The following SLC35D1 variants were observed in gnomAD, a reference collection of about 807,000 sequenced individuals.
SLC35D1 encodes the protein solute carrier family 35 member D1.
Under a neutral mutation model 46.7 loss-of-function variants are expected in SLC35D1, and 31 were observed. The observed-to-expected ratio is 0.66, with a 90% CI of 0.50 to 0.90. The LOEUF is 0.90. Ranked by LOEUF, SLC35D1 falls within the 40% of genes least tolerant of loss-of-function variation. The pLI is 0.00. For synonymous variants in SLC35D1, 195 were observed against 164.6 expected (o/e 1.18, Z -1.41); for missense variants, 397 against 426.2 (o/e 0.93, Z 0.60).
intron 10 of SLC35D1, among the ~76,000 whole-genome samples, chr1:67,015,127 A>C (rs1667655373): frequency 6.7e-6 from 1 of 149,116 alleles, no homozygotes; most frequent in Non-Finnish European, 1.5e-5. Flanking sequence ...TTTTAGTAAA[A>C]AAGGTTATAA....
At position 67,007,178 on chromosome 1, in the gene SLC35D1, T is replaced by G. The variant is rs1321011759; in HGVS notation, c.959+1907A>C. On this transcript the variant is annotated intron_variant, in intron 11 of 11. Transcript: ENST00000235345. ...TTATAAACGTCTTACTCCATTTGGG[T>G]TGCTATAACAAAATACCATAAATGG... Among the ~76,000 whole-genome samples, 3 of 151,854 alleles carry G rather than the reference T, an allele frequency of 2.0e-5. No individual in the cohort carries two copies. In the East Asian group the frequency reaches 5.8e-4, roughly 29 times the overall value.
At chr1:67,042,690 G>A (rs1277640508) in intron 7 of SLC35D1, among the ~76,000 whole-genome samples, 1 of 152,122 alleles carries the variant, frequency 6.6e-6, no homozygotes, top group Non-Finnish European at 1.5e-5. Flanking sequence ...ACATCTCTCT[G>A]AAGCCATTCT....
chr1:67,042,141 C>A lies in SLC35D1; in HGVS notation c.729+95G>T. 2.5e-6 allele frequency: 3 copies of A among 1,183,526 alleles called. 1 individual carries two copies. In the South Asian group the frequency reaches 3.6e-5, roughly 14 times the overall value. 73.3% of individuals were successfully genotyped at this position (1,183,526 alleles called of 1,614,324 possible). On this transcript the variant is annotated intron_variant, in intron 8 of 11. Coordinates refer to ENST00000235345, the MANE Select transcript of SLC35D1 (RefSeq NM_015139.3). ...GCTCAGTTTTTGGTCACTTAATAAG[C>A]ATATTTCTTTTGAACAACAAAGCCT...
intron 8 of SLC35D1, among the ~76,000 whole-genome samples, chr1:67,033,973 T>C (rs1438136466): frequency 6.6e-6 from 1 of 152,204 alleles, no homozygotes; most frequent in Non-Finnish European, 1.5e-5. Context: ...TTGGCACCAT[T>C]GTCAAAAATT....
At chr1:66,998,079 GGT>G (rs1188386789), downstream of SLC35D1, among the ~76,000 whole-genome samples, 7 of 150,604 alleles carry the variant, frequency 4.6e-5, no homozygotes, top group Non-Finnish European at 1.0e-4. Flanking sequence ...GTGCACTCTT[GGT>G]GGGATTCTAA....
chr1:66,992,969 CTG>C, the SLC35D1 span, among the ~76,000 whole-genome samples: 11 of 152,332 alleles, frequency 7.2e-5, no homozygotes, highest in Non-Finnish European at 1.0e-4. Context: ...ACAAATAAAA[CTG>C]AGCTACCTTG....
chr1:67,020,602 A>AT (rs1667776943), intron 9 of SLC35D1, among the ~76,000 whole-genome samples, 155 bp from the exon 10 acceptor site: 1 of 152,176 alleles, frequency 6.6e-6, no homozygotes, highest in Non-Finnish European at 1.5e-5. Context: ...CAGCTTCAGA[A>AT]TTTTTAAAAT....
chr1:67,034,932 T>C (rs1668092191), intron 8 of SLC35D1, among the ~76,000 whole-genome samples: 2 of 152,204 alleles, frequency 1.3e-5, no homozygotes, highest in Admixed American at 1.3e-4. Flanking sequence ...GATCATTTGG[T>C]TGTTGTCCTT....
At chr1:67,049,039 A>G (rs536326139) in intron 6 of SLC35D1, among the ~76,000 whole-genome samples, 141 of 152,354 alleles carry the variant, frequency 9.3e-4, no homozygotes, top group African/African-American at 3.2e-3. Context: ...TCACGCCTGT[A>G]ATCCCAGCAC....
chr1:67,047,451 G>A, intron 6 of SLC35D1, 84 bp from the exon 7 acceptor site: 1 of 1,131,464 alleles, frequency 8.8e-7, no homozygotes, highest in Non-Finnish European at 1.3e-6. Context: ...ATATTTACAA[G>A]AACATATTCT....
At chr1:67,005,436 C>T (rs867142833) in intron 11 of SLC35D1, among the ~76,000 whole-genome samples, 1 of 152,170 alleles carries the variant, frequency 6.6e-6, no homozygotes, top group African/African-American at 2.4e-5. Flanking sequence ...CAGGCACTGG[C>T]GCTTGTTCTT....
intron 10 of SLC35D1, among the ~76,000 whole-genome samples, chr1:67,014,405 T>C (rs894298017): frequency 6.6e-6 from 1 of 152,150 alleles, no homozygotes; most frequent in Non-Finnish European, 1.5e-5. Flanking sequence ...CCAACTGTTC[T>C]TTTAAACTAG....
At chr1:66,998,041 G>A (rs1017497299), downstream of SLC35D1, among the ~76,000 whole-genome samples, 2 of 151,968 alleles carry the variant, frequency 1.3e-5, no homozygotes, top group Non-Finnish European at 2.9e-5. Context: ...ACAAGTGTTG[G>A]TGAGGATGTG....
At chr1:66,992,123 C>T in the SLC35D1 span, among the ~76,000 whole-genome samples, 3 of 152,200 alleles carry the variant, frequency 2.0e-5, no homozygotes, top group Non-Finnish European at 2.9e-5. Context: ...TCGAACAAAC[C>T]TATGGCTGGA....
chr1:66,992,060 T>C, the SLC35D1 span, among the ~76,000 whole-genome samples: 6 of 152,256 alleles, frequency 3.9e-5, no homozygotes, highest in African/African-American at 1.4e-4. Context: ...CTACAATCCC[T>C]TATCCAAAAC....
At chr1:66,981,991 G>A in the SLC35D1 span, 34 of 1,527,926 alleles carry the variant, frequency 2.2e-5, no homozygotes, top group South Asian at 2.6e-4. Flanking sequence ...GGGAAATTCC[G>A]TTTGGGTTTC....
At chr1:67,053,753 GC>G in intron 1 of SLC35D1, 57 bp downstream of exon 1, 1 of 1,337,080 alleles carries the variant, frequency 7.5e-7, no homozygotes, top group Non-Finnish European at 9.8e-7. Context: ...CCGGCGCCGC[GC>G]CGCCGCCGCC....
At chr1:66,976,129 G>T in the SLC35D1 span, among the ~76,000 whole-genome samples, 1 of 151,272 alleles carries the variant, frequency 6.6e-6, no homozygotes, top group South Asian at 2.1e-4. Context: ...TCAGCCTCCC[G>T]AGTAGCTGGG....
intron 11 of SLC35D1, chr1:67,008,553 T>G: frequency 9.0e-6 from 8 of 887,800 alleles, no homozygotes; most frequent in Non-Finnish European, 1.2e-5. Context: ...TCCAAATCTA[T>G]TGAATCTACT....
Sources: allele counts gnomAD v4.1 joint callset (sites outside exome capture counted in the v4.1 genomes callset), GRCh38; gene constraint gnomAD v4.1.1; transcripts MANE v1.5; gene names NCBI Gene and HGNC (gene_info 2026-07-23, HGNC 2026-07-21).